The following CBFA2T2 variants were observed in gnomAD, a reference collection of about 807,000 sequenced individuals.
CBFA2T2 encodes the protein protein CBFA2T2.
CBFA2T2 carries 11 observed loss-of-function variants against 62.2 expected under a neutral mutation model. That is an observed-to-expected ratio of 0.18 (90% CI 0.11 to 0.29). The LOEUF is 0.29. CBFA2T2 is among the 10% of genes least tolerant of loss of function. The pLI, the probability that CBFA2T2 is intolerant of heterozygous loss-of-function variation, is 1.00. For synonymous variants in CBFA2T2, 295 were observed against 287.5 expected (o/e 1.03, Z -0.27); for missense variants, 592 against 774.1 (o/e 0.76, Z 2.79).
Position 33,611,257 on chromosome 20 carries a change from T to A in CBFA2T2, c.342T>A (p.Leu114=). Residue 114 remains leucine (L), a synonymous_variant, in exon 3 of 11, where the codon CTT becomes CTA. Transcript: ENST00000342704. ...ARQLSKLKRF[L]TTLQQFGNDI... is the part of the protein sequence containing the mutation. ...AACTCAGCAAGTTGAAACGCTTTCT[T>A]ACCACTCTGCAACAGTTTGGCAATG... 6.2e-7 allele frequency: 1 copy of A among 1,614,176 alleles called. No individual in the cohort carries two copies. The highest frequency in any genetic ancestry group is 8.5e-7 in the Non-Finnish European group (1 of 1,180,016).
At chr20:33,591,467 C>CAAAAAAAAAAAAAAA (rs11475752) in intron 1 of CBFA2T2, among the ~76,000 whole-genome samples, 4 of 98,092 alleles carry the variant, frequency 4.1e-5, no homozygotes, top group Non-Finnish European at 8.9e-5. Flanking sequence ...GAGTAAATCT[C>CAAAAAAAAAAAAAAA]AAAAAAAAAA....
At position 33,646,658 on chromosome 20, in the gene CBFA2T2, C is replaced by G. The variant is rs988235246; in HGVS notation, c.*2012C>G. The G allele has an allele frequency of 6.6e-6, 1 of 151,756 alleles. No individual in the cohort carries two copies. The highest frequency in any genetic ancestry group is 1.9e-4 in the East Asian group (1 of 5,152). The allele number at this position is 151,756 out of a possible 1,614,324, so 9.4% of individuals were successfully genotyped here. Reference sequence around the variant, plus strand: ...ATCACTTGAGGTCAGGAATTCAAGACCAACCTGGCCAACATGGTGAAACCC... The same window carrying G: ...ATCACTTGAGGTCAGGAATTCAAGAGCAACCTGGCCAACATGGTGAAACCC... On this transcript the variant is annotated 3_prime_UTR_variant, in exon 11 of 11. Transcript: ENST00000342704.
chr20:33,554,207 A>C (rs1292454895), intron 1 of CBFA2T2, among the ~76,000 whole-genome samples: 1 of 152,044 alleles, frequency 6.6e-6, no homozygotes. Context: ...TATTACAATG[A>C]AAAGCAAATT....
At chr20:33,607,985 G>A (rs1053789967) in intron 2 of CBFA2T2, among the ~76,000 whole-genome samples, 2 of 152,306 alleles carry the variant, frequency 1.3e-5, no homozygotes, top group African/African-American at 4.8e-5. Flanking sequence ...TGTTCAAAAT[G>A]ATACCAAGTT....
At chr20:33,567,759 T>C (rs1371475434) in intron 1 of CBFA2T2, among the ~76,000 whole-genome samples, 1 of 151,674 alleles carries the variant, frequency 6.6e-6, no homozygotes, top group East Asian at 1.9e-4. Context: ...ATTTTTTGTA[T>C]TTTTAGTAGA....
intron 1 of CBFA2T2, among the ~76,000 whole-genome samples, chr20:33,573,541 G>T (rs1416051216): frequency 6.6e-6 from 1 of 151,868 alleles, no homozygotes; most frequent in Non-Finnish European, 1.5e-5. Context: ...AAGTGCAGTG[G>T]CGTGATCTTA....
Position 33,647,855 on chromosome 20 carries a change from C to T in CBFA2T2, c.*3209C>T, listed in dbSNP as rs973786056. On this transcript the variant is annotated 3_prime_UTR_variant, in exon 11 of 11. Transcript: ENST00000342704. ...CTGATCTGCAAACCTGGGCAGTATTCCACACTGAAGCTCAGTTTGCAAACC... is the reference window on the plus strand; with the variant it reads ...CTGATCTGCAAACCTGGGCAGTATTTCACACTGAAGCTCAGTTTGCAAACC... 4 of 152,246 alleles carry T rather than the reference C, an allele frequency of 2.6e-5. No individual in the cohort carries two copies. Among genetic ancestry groups the T allele is most frequent in the Admixed American group, 6.5e-5 (1 of 15,284 alleles). 9.4% of individuals were successfully genotyped at this position (152,246 alleles called of 1,614,324 possible). A position where few individuals can be genotyped will look rare whatever the true frequency, so the allele number is the denominator to read the frequency against.
intron 1 of CBFA2T2, chr20:33,574,247 C>A (rs766486284): frequency 9.9e-6 from 16 of 1,612,950 alleles, no homozygotes; most frequent in African/African-American, 1.3e-5. Context: ...CAGGTCCTGG[C>A]AAGGCAATGG....
rs2016060595 is a variant in CBFA2T2, at chr20:33,623,175, C to T, written c.571C>T (p.Pro191Ser). Residue 191 changes from proline to serine, a missense_variant, in exon 5 of 11, where the codon CCA becomes TCA. Physicochemically the swap from Pro to Ser is moderately conservative, Grantham distance 74. Around this residue, in one of 3 missense-constraint regions of CBFA2T2, gnomAD observed 449 missense variants for 551.2 expected, o/e 0.81. Transcript: ENST00000342704. ...LHCARAAKQT[P>S]SQYLAQHEHL... is the part of the protein sequence containing the mutation. ...CTGCGCTCGGGCGGCCAAGCAGACCCCATCCCAGTACCTGGCTCAGCACGA... is the reference window on the plus strand; with the variant it reads ...CTGCGCTCGGGCGGCCAAGCAGACCTCATCCCAGTACCTGGCTCAGCACGA... The T allele has an allele frequency of 6.2e-7, 1 of 1,614,278 alleles. No individual in the cohort carries two copies. Among genetic ancestry groups the T allele is most frequent in the Non-Finnish European group, 8.5e-7 (1 of 1,180,046 alleles).
At chr20:33,504,791 T>C (rs2011372857) in intron 1 of CBFA2T2, among the ~76,000 whole-genome samples, 2 of 152,168 alleles carry the variant, frequency 1.3e-5, no homozygotes, top group South Asian at 4.1e-4. Context: ...TGTATGACAG[T>C]TTCACTTGCT....
At chr20:33,609,026 G>GC (rs1448027331) in intron 2 of CBFA2T2, among the ~76,000 whole-genome samples, 1 of 152,052 alleles carries the variant, frequency 6.6e-6, no homozygotes, top group Non-Finnish European at 1.5e-5. Context: ...CCTTTTCTCA[G>GC]CCCGTTAGTC....
intron 1 of CBFA2T2, among the ~76,000 whole-genome samples, chr20:33,569,151 C>T (rs1399090815): frequency 2.0e-5 from 3 of 152,076 alleles, no homozygotes; most frequent in Non-Finnish European, 4.4e-5. Context: ...AAATCGTGGC[C>T]CAGTGCCCCT....
chr20:33,528,870 C>G (rs2011963029), intron 1 of CBFA2T2, among the ~76,000 whole-genome samples: 1 of 152,136 alleles, frequency 6.6e-6, no homozygotes, highest in Non-Finnish European at 1.5e-5. Flanking sequence ...AGAATGAAGG[C>G]TAATTTGCCT....
At chr20:33,614,565 C>T (rs1172759741) in intron 3 of CBFA2T2, among the ~76,000 whole-genome samples, 1 of 152,126 alleles carries the variant, frequency 6.6e-6, no homozygotes, top group Non-Finnish European at 1.5e-5. Context: ...TACCCCATTC[C>T]CCCCTCTCCC....
At chr20:33,556,286 T>G (rs2012896468) in intron 1 of CBFA2T2, among the ~76,000 whole-genome samples, 1 of 152,226 alleles carries the variant, frequency 6.6e-6, no homozygotes, top group African/African-American at 2.4e-5. Context: ...GTACTTAGTT[T>G]GGGTTTCGTT....
chr20:33,607,172 C>T (rs1342263294), intron 2 of CBFA2T2, 73 bp downstream of exon 2: 3 of 1,377,076 alleles, frequency 2.2e-6, no homozygotes, highest in African/African-American at 1.4e-5. Flanking sequence ...TTGTATGAAG[C>T]GTTCCACATA....
chr20:33,566,664 C>T (rs555934772), intron 1 of CBFA2T2, among the ~76,000 whole-genome samples: 3 of 151,908 alleles, frequency 2.0e-5, no homozygotes, highest in South Asian at 2.1e-4. Context: ...CTGTAGGAAT[C>T]AGAGAACCTT....
intron 1 of CBFA2T2, among the ~76,000 whole-genome samples, chr20:33,555,338 G>A (rs772954935): frequency 1.3e-5 from 2 of 151,966 alleles, no homozygotes; most frequent in South Asian, 2.1e-4. Context: ...AGAAGAGACC[G>A]TCATGAATGG....
chr20:33,498,115 G>A (rs150583673), intron 1 of CBFA2T2, among the ~76,000 whole-genome samples: 209 of 152,110 alleles, frequency 1.4e-3, no homozygotes, highest in African/African-American at 4.8e-3. Context: ...ATTTTTGGTA[G>A]AGACAGGGTT....
Sources: allele counts gnomAD v4.1 joint callset (sites outside exome capture counted in the v4.1 genomes callset), GRCh38; gene constraint gnomAD v4.1.1; regional missense constraint gnomAD v4.1.1; transcripts MANE v1.5; gene names NCBI Gene and HGNC (gene_info 2026-07-23, HGNC 2026-07-21).